Variants in DIAPH3 observed in about 807,000 individuals in gnomAD.
DIAPH3 encodes the protein diaphanous related formin 3, also known as protein diaphanous homolog 3.
DIAPH3 carries 117 observed loss-of-function variants against 144.3 expected under a neutral mutation model. That is an observed-to-expected ratio of 0.81 (90% CI 0.70 to 0.95). The LOEUF (loss-of-function observed/expected upper bound fraction) is 0.95, where lower values mean the gene tolerates loss of function less well. Ranked by LOEUF, DIAPH3 falls within the 40% of genes least tolerant of loss-of-function variation. DIAPH3 has a pLI of 0.00. For synonymous variants in DIAPH3, 519 were observed against 488.9 expected, an observed-to-expected ratio of 1.06 and a Z score of -0.81; for missense variants, 1,421 against 1,412.7, an observed-to-expected ratio of 1.01 and a Z score of -0.09.
intron 24 of DIAPH3, among the ~76,000 whole-genome samples, chr13:59,824,931 C>G (rs762318021): frequency 1.3e-5 from 2 of 152,098 alleles, no homozygotes; most frequent in South Asian, 2.1e-4. Flanking sequence ...AAATAAGTCA[C>G]AGAAATAAAA....
chr13:59,674,897 G>A (rs1314980677), intron 27 of DIAPH3, among the ~76,000 whole-genome samples: 1 of 152,214 alleles, frequency 6.6e-6, no homozygotes, highest in Non-Finnish European at 1.5e-5. Context: ...TATTTCTAAA[G>A]TGTGTAATGG....
chr13:59,900,781 C>T (rs191547546), intron 20 of DIAPH3, among the ~76,000 whole-genome samples: 1 of 152,152 alleles, frequency 6.6e-6, no homozygotes, highest in Admixed American at 6.5e-5. Flanking sequence ...GCTTATACCC[C>T]CAAATGCATG....
chr13:59,930,299 G>T (rs867715119), intron 17 of DIAPH3, among the ~76,000 whole-genome samples: 3 of 152,256 alleles, frequency 2.0e-5, no homozygotes, highest in African/African-American at 7.2e-5. Flanking sequence ...AGAATTTAAG[G>T]TCTAATAGAA....
At chr13:59,898,720 T>C (rs1017553121) in intron 20 of DIAPH3, among the ~76,000 whole-genome samples, 13 of 152,092 alleles carry the variant, frequency 8.5e-5, no homozygotes, top group African/African-American at 3.1e-4. Flanking sequence ...GGACAGAGCG[T>C]AATACAGTAA....
At chr13:59,911,191 T>A (rs2046980328) in intron 20 of DIAPH3, among the ~76,000 whole-genome samples, 1 of 152,212 alleles carries the variant, frequency 6.6e-6, no homozygotes, top group African/African-American at 2.4e-5. Flanking sequence ...ACATTTAATA[T>A]ATGGCATTGG....
intron 27 of DIAPH3, among the ~76,000 whole-genome samples, chr13:59,706,335 A>G (rs940686938): frequency 2.0e-5 from 3 of 152,150 alleles, no homozygotes; most frequent in African/African-American, 7.2e-5. Flanking sequence ...TACATCATAT[A>G]ATTTTTGAAT....
intron 4 of DIAPH3, among the ~76,000 whole-genome samples, chr13:60,073,891 T>C (rs186288727): frequency 2.6e-5 from 4 of 152,350 alleles, no homozygotes; most frequent in East Asian, 3.9e-4. Flanking sequence ...TTTTTCCTAA[T>C]TGAAATGTGG....
chr13:59,899,580 A>G (rs2046320793), intron 20 of DIAPH3, among the ~76,000 whole-genome samples: 1 of 152,200 alleles, frequency 6.6e-6, no homozygotes, highest in African/African-American at 2.4e-5. Flanking sequence ...GGTAAGAAAT[A>G]CCAAGGCAGG....
At chr13:59,969,583 A>G (rs2050241394) in intron 17 of DIAPH3, among the ~76,000 whole-genome samples, 1 of 152,146 alleles carries the variant, frequency 6.6e-6, no homozygotes, top group Non-Finnish European at 1.5e-5. Context: ...GTAAAATTCT[A>G]ACTACAAGAA....
chr13:59,816,827 T>C (rs577013574), intron 24 of DIAPH3, among the ~76,000 whole-genome samples: 3 of 152,006 alleles, frequency 2.0e-5, no homozygotes, highest in Admixed American at 6.6e-5. Context: ...ACCTTAAATA[T>C]TTATCTTTTA....
chr13:59,922,601 A>T (rs2140293997), intron 18 of DIAPH3, among the ~76,000 whole-genome samples: 1 of 152,176 alleles, frequency 6.6e-6, no homozygotes, highest in South Asian at 2.1e-4. Flanking sequence ...TCAAAACTCT[A>T]AATTTCATGA....
intron 25 of DIAPH3, among the ~76,000 whole-genome samples, chr13:59,776,997 G>C (rs1455802922): frequency 1.3e-5 from 2 of 152,050 alleles, no homozygotes; most frequent in African/African-American, 4.8e-5. Flanking sequence ...ATGAGCATTT[G>C]GATCTTGGTT....
At chr13:59,926,338 T>C (rs758405913) in intron 17 of DIAPH3, among the ~76,000 whole-genome samples, 1 of 152,172 alleles carries the variant, frequency 6.6e-6, no homozygotes, top group South Asian at 2.1e-4. Context: ...TGAACTTTAT[T>C]ATTTCTTTCC....
intron 25 of DIAPH3, among the ~76,000 whole-genome samples, chr13:59,787,092 C>T (rs1427758680): frequency 6.6e-6 from 1 of 152,080 alleles, no homozygotes; most frequent in Admixed American, 6.6e-5. Flanking sequence ...CAAAGTGAGA[C>T]CTTGTCTCAA....
At chr13:59,843,196 G>A (rs1429434390) in intron 22 of DIAPH3, among the ~76,000 whole-genome samples, 1 of 152,088 alleles carries the variant, frequency 6.6e-6, no homozygotes, top group Non-Finnish European at 1.5e-5. Context: ...GGAACCAGGG[G>A]GCAAAGACCA....
Position 59,992,569 on chromosome 13 carries a change from C to T in DIAPH3, c.1029G>A (p.Gln343=). The change falls in exon 10 of 28, where the codon CAG becomes CAA. Residue 343 remains glutamine, a synonymous_variant. Transcript: ENST00000400324. ...NSVQLQVACM[Q]LINALVTSPD... Reference sequence around the variant, plus strand: ...GAGATGTAACCAGGGCATTGATGAGCTGCATACAAGCTACCTACAAGAGAT... The same window carrying T: ...GAGATGTAACCAGGGCATTGATGAGTTGCATACAAGCTACCTACAAGAGAT... 1 of 1,611,732 alleles carries T rather than the reference C, an allele frequency of 6.2e-7. No homozygotes were observed. Among genetic ancestry groups the T allele is most frequent in the East Asian group, 2.2e-5 (1 of 44,670 alleles).
At chr13:60,132,151 G>T (rs1444089155) in intron 2 of DIAPH3, among the ~76,000 whole-genome samples, 1 of 152,166 alleles carries the variant, frequency 6.6e-6, no homozygotes, top group Non-Finnish European at 1.5e-5. Flanking sequence ...TTCATGTCAA[G>T]ATCTACGTTT....
chr13:60,004,231 T>C (rs1330658069), intron 9 of DIAPH3, among the ~76,000 whole-genome samples: 1 of 152,162 alleles, frequency 6.6e-6, no homozygotes, highest in African/African-American at 2.4e-5. Context: ...GTTTAGCACA[T>C]TTTAATAATG....
intron 3 of DIAPH3, among the ~76,000 whole-genome samples, chr13:60,101,521 C>CTT (rs1229364840): frequency 1.2e-4 from 17 of 143,284 alleles, no homozygotes; most frequent in South Asian, 1.1e-3. Context: ...TTTGCGATTT[C>CTT]TTTTTTTTTT....
Sources: allele counts gnomAD v4.1 joint callset (sites outside exome capture counted in the v4.1 genomes callset), GRCh38; gene constraint gnomAD v4.1.1; transcripts MANE v1.5; gene names NCBI Gene and HGNC (gene_info 2026-07-23, HGNC 2026-07-21).